The following SHANK2 variants were observed in gnomAD, a reference collection of about 807,000 sequenced individuals.
SHANK2 encodes SH3 and multiple ankyrin repeat domains 2.
SHANK2 carries 43 observed loss-of-function variants against 133.7 expected under a neutral mutation model. That is an observed-to-expected ratio of 0.32 (90% CI 0.25 to 0.41). The LOEUF (loss-of-function observed/expected upper bound fraction) is 0.41. Among genes scored for constraint, SHANK2 ranks in the 10% least tolerant of loss-of-function variants. The probability of loss-of-function intolerance (pLI) is 1.00; values close to 1 mark genes in which losing one functional copy is unlikely to be tolerated. For missense variants in SHANK2, 1,994 were observed against 2,235.8 expected (o/e 0.89, Z 2.18); for synonymous variants, 1,017 against 952.8 (o/e 1.07, Z -1.24).
intron 15 of SHANK2, 49 bp downstream of exon 15, chr11:70,698,639 C>A: frequency 1.4e-6 from 1 of 718,388 alleles, no homozygotes; most frequent in South Asian, 1.5e-5. Flanking sequence ...GCAGCACAGA[C>A]GAACAGCTTT....
chr11:71,225,748 A>G (rs567909814), intron 1 of SHANK2, among the ~76,000 whole-genome samples: 3 of 152,328 alleles, frequency 2.0e-5, no homozygotes, highest in Admixed American at 6.5e-5. Context: ...ACAATTAGGA[A>G]CATGCTAGAA....
At chr11:70,556,670 T>C (rs557890810) in intron 17 of SHANK2, among the ~76,000 whole-genome samples, 1 of 151,808 alleles carries the variant, frequency 6.6e-6, no homozygotes, top group African/African-American at 2.4e-5. Flanking sequence ...CAGCTCATTG[T>C]AGTCTCAGCC....
At chr11:71,233,975 A>G (rs1555123327) in intron 1 of SHANK2, among the ~76,000 whole-genome samples, 2 of 151,784 alleles carry the variant, frequency 1.3e-5, no homozygotes, top group African/African-American at 4.8e-5. Context: ...TGAACCCGGG[A>G]GGCAGAGGCT....
At chr11:71,250,098 C>T (rs991711415) in intron 1 of SHANK2, among the ~76,000 whole-genome samples, 4 of 148,582 alleles carry the variant, frequency 2.7e-5, no homozygotes, top group African/African-American at 5.0e-5. Flanking sequence ...AGAAAGATCC[C>T]CCCAACAGAC....
intron 17 of SHANK2, among the ~76,000 whole-genome samples, chr11:70,577,238 CATG>C (rs2060127372): frequency 6.6e-6 from 1 of 152,178 alleles, no homozygotes; most frequent in African/African-American, 2.4e-5. Context: ...TTCTGGAAAG[CATG>C]ATAAGGGATC....
intron 14 of SHANK2, among the ~76,000 whole-genome samples, chr11:70,775,567 C>A (rs1208252603): frequency 2.0e-5 from 3 of 152,204 alleles, no homozygotes; most frequent in Non-Finnish European, 4.4e-5. Flanking sequence ...CCCACATTTG[C>A]AGATGGTGCC....
intron 9 of SHANK2, among the ~76,000 whole-genome samples, chr11:71,070,327 C>T (rs1370474093): frequency 3.9e-5 from 6 of 152,192 alleles, no homozygotes; most frequent in Non-Finnish European, 7.3e-5. Flanking sequence ...GCAGACATTC[C>T]GACTGACACT....
rs990658627 is a variant in SHANK2, at chr11:70,487,783, A to G, written c.2573-63T>C. The G allele has an allele frequency of 1.3e-6, 2 of 1,549,634 alleles. No individual in the cohort carries two copies. The highest frequency in any genetic ancestry group is 3.9e-5 in the Admixed American group (2 of 51,008). ...AGCAACAAAGCCTAAGTTCCTAGGA[A>G]CGTGCGATACGCTACATCTCCACAA... On this transcript the variant is annotated intron_variant, in intron 24 of 25. Transcript: ENST00000601538. The surrounding 1 kb of genome is among the most constrained non-coding windows in gnomAD (Gnocchi z 5.8).
At chr11:70,706,425 C>G (rs1007673589) in intron 14 of SHANK2, among the ~76,000 whole-genome samples, 4 of 152,140 alleles carry the variant, frequency 2.6e-5, no homozygotes, top group African/African-American at 9.7e-5. Context: ...GTTGGAGATA[C>G]AGGAAGCTGG....
At chr11:70,559,624 C>A (rs1268347473) in intron 17 of SHANK2, among the ~76,000 whole-genome samples, 2 of 152,254 alleles carry the variant, frequency 1.3e-5, no homozygotes, top group South Asian at 2.1e-4. Flanking sequence ...GCTGTGGGAT[C>A]CAGTCCTGTT....
intron 17 of SHANK2, among the ~76,000 whole-genome samples, chr11:70,542,500 T>C (rs2059635619): frequency 6.6e-6 from 1 of 152,092 alleles, no homozygotes; most frequent in African/African-American, 2.4e-5. Context: ...TGTGAGAAAA[T>C]CCATGTGTGT....
chr11:70,794,724 T>C (rs1490781962), intron 14 of SHANK2, among the ~76,000 whole-genome samples: 2 of 151,996 alleles, frequency 1.3e-5, no homozygotes, highest in Non-Finnish European at 2.9e-5. Flanking sequence ...GCCCAGCTAA[T>C]TTTTGTATTT....
intron 15 of SHANK2, among the ~76,000 whole-genome samples, chr11:70,693,017 G>A (rs1050403525): frequency 1.6e-4 from 24 of 152,148 alleles, no homozygotes; most frequent in Admixed American, 9.8e-4. Context: ...CAAAAACGAA[G>A]AGAAGGTGAG....
At chr11:71,210,869 GA>G (rs1555118795) in intron 2 of SHANK2, among the ~76,000 whole-genome samples, 1 of 152,196 alleles carries the variant, frequency 6.6e-6, no homozygotes, top group Non-Finnish European at 1.5e-5. Flanking sequence ...TGGGGGCAGT[GA>G]AGAGAGTGTG....
At chr11:70,625,177 TG>T (rs2060887715) in intron 17 of SHANK2, among the ~76,000 whole-genome samples, 1 of 152,090 alleles carries the variant, frequency 6.6e-6, no homozygotes, top group Admixed American at 6.5e-5. Flanking sequence ...GGTCCAGACA[TG>T]GGGTGTCTGC....
chr11:70,895,227 C>T (rs782219808), intron 11 of SHANK2, among the ~76,000 whole-genome samples: 17 of 152,192 alleles, frequency 1.1e-4, no homozygotes, highest in Admixed American at 2.6e-4. Context: ...GGGTAGGTAC[C>T]GGCCGTGGTT....
chr11:70,808,309 C>A (rs11605898), intron 12 of SHANK2, among the ~76,000 whole-genome samples: 6 of 152,042 alleles, frequency 3.9e-5, no homozygotes, highest in African/African-American at 1.4e-4. Context: ...TCAAGCGATT[C>A]TCCTGCCTCA....
At chr11:70,583,235 C>G (rs1175096884) in intron 17 of SHANK2, among the ~76,000 whole-genome samples, 1 of 152,124 alleles carries the variant, frequency 6.6e-6, no homozygotes, top group Non-Finnish European at 1.5e-5. Context: ...TCCAGAAGGC[C>G]TAGCAGCATG....
chr11:70,933,935 AAAC>A (rs1555083006), intron 10 of SHANK2, among the ~76,000 whole-genome samples: 5 of 150,792 alleles, frequency 3.3e-5, no homozygotes, highest in African/African-American at 1.2e-4. Flanking sequence ...ACAAACAAAC[AAAC>A]AAAACAACAA....
Sources: gnomAD v4.1 joint callset for allele counts (sites outside exome capture counted in the v4.1 genomes callset) on GRCh38, gnomAD v4.1.1 for gene constraint, Gnocchi (gnomAD v3.1) non-coding constraint, MANE v1.5 for transcripts, NCBI Gene and HGNC (gene_info 2026-07-23, HGNC 2026-07-21) for gene names.